Variants in RNF112 observed in about 807,000 individuals in gnomAD.
RNF112 encodes brain finger protein.
A neutral mutation model predicts 64.7 loss-of-function variants in RNF112; 34 were observed. The observed-to-expected ratio is 0.53, with a 90% CI of 0.40 to 0.70. The LOEUF (loss-of-function observed/expected upper bound fraction) is 0.70, where lower values mean the gene tolerates loss of function less well. RNF112 is among the 30% of genes least tolerant of loss of function. The probability of loss-of-function intolerance (pLI) is 0.00; values close to 1 mark genes in which losing one functional copy is unlikely to be tolerated. For missense variants in RNF112, 734 were observed against 850.0 expected, an observed-to-expected ratio of 0.86 and a Z score of 1.70; for synonymous variants, 345 against 344.5, an observed-to-expected ratio of 1.00 and a Z score of -0.02.
rs1246207308 is a variant in RNF112 at position 19,416,712 on chromosome 17, GCCCAGA to G, written c.*541_*546del. On this transcript the variant is annotated 3_prime_UTR_variant, in exon 14 of 14. Coordinates refer to ENST00000461366, the MANE Select transcript of RNF112 (RefSeq NM_007148.5). ...GAGAGATGGGACATGGTAGACTGTG[GCCCAGA>G]CCCCAGAGCAGAGAAACTTGTTCCC... 1 of 155,124 alleles carries G rather than the reference GCCCAGA, an allele frequency of 6.4e-6. No individual in the cohort carries two copies. Among genetic ancestry groups the G allele is most frequent in the Admixed American group, 6.2e-5 (1 of 16,024 alleles). 9.6% of individuals were successfully genotyped at this position (155,124 alleles called of 1,614,324 possible).
In RNF112 at chr17:19,412,425, C is replaced by T. The variant is rs2152298914; in HGVS notation, c.96-73C>T. 6.6e-7 allele frequency: 1 copy of T among 1,507,320 alleles called. No individual in the cohort carries two copies. Among genetic ancestry groups the T allele is most frequent in the Non-Finnish European group, 9.0e-7 (1 of 1,116,980 alleles). 93.4% of individuals were successfully genotyped at this position (1,507,320 alleles called of 1,614,324 possible). A position where few individuals can be genotyped will look rare whatever the true frequency, so the allele number is the denominator to read the frequency against. ...CTCCACTCCCAAGCCATCAGTCTTC[C>T]ACCACAACCCTGGCCGGTACCCCCT... is the stretch of plus-strand genomic sequence containing the variant. On this transcript the variant is annotated intron_variant, in intron 2 of 13. Coordinates refer to ENST00000461366, the MANE Select transcript of RNF112 (RefSeq NM_007148.5). This position sits in a 1 kb window ranked among gnomAD's most constrained non-coding sequence, Gnocchi z 5.1.
At position 19,414,595 on chromosome 17, in the gene RNF112, C is replaced by A; in HGVS notation, c.943C>A (p.Leu315Ile). The change falls in exon 9 of 14, where the codon CTC becomes ATC. Residue 315 changes from leucine to isoleucine, a missense_variant. Physicochemically the swap from Leu to Ile is conservative, Grantham distance 5. Transcript: ENST00000461366. Reference protein sequence around the residue: ...YGMVPIQHLDLLVRDSSHPNK... With the variant: ...YGMVPIQHLDILVRDSSHPNK... Reference sequence around the variant, plus strand: ...ACCCCTTCTCTTTCAGCATCTGGACCTCTTAGTTCGTGACTCATCCCACCC... The same window carrying A: ...ACCCCTTCTCTTTCAGCATCTGGACATCTTAGTTCGTGACTCATCCCACCC... 2 of 1,613,922 alleles carry A rather than the reference C, an allele frequency of 1.2e-6. No individual in the cohort carries two copies. The highest frequency in any genetic ancestry group is 1.7e-6 in the Non-Finnish European group (2 of 1,179,874).
rs1271736010 is a variant in RNF112 at position 19,416,238 on chromosome 17, T to G, written c.*63T>G. On this transcript the variant is annotated 3_prime_UTR_variant, in exon 14 of 14. Transcript: ENST00000461366. Reference sequence around the variant, plus strand: ...GGTGGGGATGAAGAAGAGGGGCAGGTCGGGGGAGGGTGATGCCAGGGATTC... The same window carrying G: ...GGTGGGGATGAAGAAGAGGGGCAGGGCGGGGGAGGGTGATGCCAGGGATTC... 7.1e-7 allele frequency: 1 copy of G among 1,408,700 alleles called. No individual in the cohort carries two copies. The allele number at this position is 1,408,700 out of a possible 1,614,324, so 87.3% of individuals were successfully genotyped here. A position where few individuals can be genotyped will look rare whatever the true frequency, so the allele number is the denominator to read the frequency against.
In RNF112 at chr17:19,413,462, A is replaced by G; in HGVS notation, c.720+51A>G. On this transcript the variant is annotated intron_variant, in intron 5 of 13. Transcript: ENST00000461366. This position sits in a 1 kb window ranked among gnomAD's most constrained non-coding sequence, Gnocchi z 5.9. ...GTCAGGGATGGGAAGGGGAATCAAG[A>G]AGGGCGTCTCTGGGGTGAGGATAGA... 1 of 1,582,440 alleles carries G rather than the reference A, an allele frequency of 6.3e-7. No individual in the cohort carries two copies. Among genetic ancestry groups the G allele is most frequent in the Non-Finnish European group, 8.7e-7 (1 of 1,155,856 alleles).
At position 19,412,353 on chromosome 17, in the gene RNF112, G is replaced by A. The variant is rs1020616427; in HGVS notation, c.96-145G>A. The A allele has an allele frequency of 1.4e-5, 12 of 855,816 alleles. No homozygotes were observed. Among genetic ancestry groups the A allele is most frequent in the Middle Eastern group, 2.4e-4 (1 of 4,254 alleles). 53.0% of individuals were successfully genotyped at this position (855,816 alleles called of 1,614,324 possible). The stretch of plus-strand genomic sequence containing the variant: ...GCTTGGCCTCTCTGGGAGCAGCTCC[G>A]CCTGTCCATGGAGGCACTGATGGAA... On this transcript the variant is annotated intron_variant, in intron 2 of 13. Transcript: ENST00000461366. This position sits in a 1 kb window ranked among gnomAD's most constrained non-coding sequence, Gnocchi z 5.1.
At position 19,415,680 on chromosome 17, in the gene RNF112, C is replaced by A. The variant is rs1398589483; in HGVS notation, c.1426-25C>A. 5.0e-6 allele frequency: 8 copies of A among 1,600,448 alleles called. No homozygotes were observed. Among genetic ancestry groups the A allele is most frequent in the Non-Finnish European group, 6.8e-6 (8 of 1,172,466 alleles). On this transcript the variant is annotated intron_variant, in intron 13 of 13. Coordinates refer to ENST00000461366, the MANE Select transcript of RNF112 (RefSeq NM_007148.5). This position sits in a 1 kb window ranked among gnomAD's most constrained non-coding sequence, Gnocchi z 7.8. Reference sequence around the variant, plus strand: ...ATACCTGGGACTCCTGGTCAGGGCACCTTCTTTTCCCCTCCCTGTCACAGG... The same window carrying A: ...ATACCTGGGACTCCTGGTCAGGGCAACTTCTTTTCCCCTCCCTGTCACAGG...
chr17:19,413,708 C>A lies in RNF112; in HGVS notation c.825+27C>A, dbSNP rs762173368. On this transcript the variant is annotated intron_variant, in intron 6 of 13. Coordinates refer to ENST00000461366, the MANE Select transcript of RNF112 (RefSeq NM_007148.5). This position sits in a 1 kb window ranked among gnomAD's most constrained non-coding sequence, Gnocchi z 5.9. ...TGATGGGGGGCGCTGATGTTGGCAT[C>A]CCCACCCCACACACCCTTCTCCAGC... 6 of 1,506,628 alleles carry A rather than the reference C, an allele frequency of 4.0e-6. No homozygotes were observed. Among genetic ancestry groups the A allele is most frequent in the Non-Finnish European group, 5.4e-6 (6 of 1,102,460 alleles). 93.3% of individuals were successfully genotyped at this position (1,506,628 alleles called of 1,614,324 possible).
At position 19,414,152 on chromosome 17, in the gene RNF112, A is replaced by T; in HGVS notation, c.876+7A>T. 2 of 1,602,550 alleles carry T rather than the reference A, an allele frequency of 1.2e-6. No homozygotes were observed. The highest frequency in any genetic ancestry group is 1.7e-6 in the Non-Finnish European group (2 of 1,170,358). Reference sequence around the variant, plus strand: ...AGACCTGGACTATCTGGAGGTAAAGAGACCTCTGATGTTGGGGCATCCCCC... The same window carrying T: ...AGACCTGGACTATCTGGAGGTAAAGTGACCTCTGATGTTGGGGCATCCCCC... On this transcript the variant is annotated splice_region_variant and intron_variant, in intron 7 of 13. Coordinates refer to ENST00000461366, the MANE Select transcript of RNF112 (RefSeq NM_007148.5).
rs753283199 is a variant in RNF112, at chr17:19,413,235, G to T, written c.589-45G>T. ...TGGGTCTGGTATTCCGGTCTGTGGG[G>T]ACAAGGAACCGACCAACTGATGCTC... On this transcript the variant is annotated intron_variant, in intron 4 of 13. Transcript: ENST00000461366. The surrounding 1 kb of genome is among the most constrained non-coding windows in gnomAD (Gnocchi z 5.9). 6 of 1,596,262 alleles carry T rather than the reference G, an allele frequency of 3.8e-6. No homozygotes were observed. The South Asian group carries it at 6.7e-5, about 18-fold the overall frequency.
intron 10 of RNF112, 74 bp from the exon 11 acceptor site, chr17:19,414,964 C>T: frequency 3.1e-6 from 5 of 1,590,456 alleles, no homozygotes; most frequent in Non-Finnish European, 4.3e-6. Context: ...TTGAAGCACC[C>T]ACCTCTCCTG....
chr17:19,412,000 C>T (rs1045803746), intron 2 of RNF112, among the ~76,000 whole-genome samples: 8 of 152,240 alleles, frequency 5.3e-5, no homozygotes, highest in Non-Finnish European at 1.2e-4. Context: ...CTGAAGTCAG[C>T]ACCTCATGGA....
chr17:19,415,927 G>A lies in RNF112; in HGVS notation c.1648G>A (p.Val550Met). 6.2e-7 allele frequency: 1 copy of A among 1,610,856 alleles called. No individual in the cohort carries two copies. Among genetic ancestry groups the A allele is most frequent in the Non-Finnish European group, 8.5e-7 (1 of 1,178,838 alleles). Residue 550 changes from valine to methionine, a missense_variant, in exon 14 of 14, where the codon GTG becomes ATG. Coordinates refer to ENST00000461366, the MANE Select transcript of RNF112 (RefSeq NM_007148.5). This position sits in a 1 kb window ranked among gnomAD's most constrained non-coding sequence, Gnocchi z 7.8. ...TMRFCGHLAA[V>M]GGAVGAGLMG... ...GCGCTTCTGTGGCCACCTAGCTGCT[G>A]TGGGGGGTGCTGTGGGGGCCGGGCT...
At position 19,413,293 on chromosome 17, in the gene RNF112, G is replaced by T. The variant is rs772278229; in HGVS notation, c.602G>T (p.Gly201Val). ...TCTCCCCTGCAGGAGTCTGGTGAGG[G>T]CGGCCGGCCAAGAGGAGGAGAGGCA... Reference protein sequence around the residue: ...QGLPGLESGEGGRPRGGEASL... With the variant: ...QGLPGLESGEVGRPRGGEASL... The change falls in exon 5 of 14, where the codon GGC becomes GTC. Residue 201 changes from glycine to valine, a missense_variant. Gly to Val is a moderately radical substitution (Grantham distance 109). Coordinates refer to ENST00000461366, the MANE Select transcript of RNF112 (RefSeq NM_007148.5). The surrounding 1 kb of genome is among the most constrained non-coding windows in gnomAD (Gnocchi z 5.9). 10 of 1,611,222 alleles carry T rather than the reference G, an allele frequency of 6.2e-6. No homozygotes were observed. Among genetic ancestry groups the T allele is most frequent in the South Asian group, 1.1e-5 (1 of 90,856 alleles).
Position 19,412,694 on chromosome 17 carries a change from C to T in RNF112, c.292C>T (p.Arg98Trp), listed in dbSNP as rs1167679786. Reference protein sequence around the residue: ...GCEPPCCPECRKICKQKRGLR... With the variant: ...GCEPPCCPECWKICKQKRGLR... ...TGAGCCGCCCTGCTGTCCTGAGTGC[C>T]GGAAGATATGCAAGCAGAAGAGGGG... Residue 98 changes from arginine to tryptophan, a missense_variant, in exon 3 of 14, where the codon CGG becomes TGG. Transcript: ENST00000461366. The surrounding 1 kb of genome is among the most constrained non-coding windows in gnomAD (Gnocchi z 5.1). 3 of 1,613,056 alleles carry T rather than the reference C, an allele frequency of 1.9e-6. No homozygotes were observed. Among genetic ancestry groups the T allele is most frequent in the African/African-American group, 1.3e-5 (1 of 74,798 alleles).
Position 19,415,421 on chromosome 17 carries a change from T to TG in RNF112, c.1350+87dup. On this transcript the variant is annotated intron_variant, in intron 12 of 13. Coordinates refer to ENST00000461366, the MANE Select transcript of RNF112 (RefSeq NM_007148.5). The surrounding 1 kb of genome is among the most constrained non-coding windows in gnomAD (Gnocchi z 7.8). Reference sequence around the variant, plus strand: ...GGGGGCTGTGCCGAGGCCTCCGGGGTGGGGGTCTGTGTGCCCTGGGAGTGG... The same window carrying TG: ...GGGGGCTGTGCCGAGGCCTCCGGGGTGGGGGGTCTGTGTGCCCTGGGAGTGG... 1 of 1,538,120 alleles carries TG rather than the reference T, an allele frequency of 6.5e-7. No homozygotes were observed. Among genetic ancestry groups the TG allele is most frequent in the Non-Finnish European group, 8.8e-7 (1 of 1,140,012 alleles).
Position 19,413,118 on chromosome 17 carries a change from C to T in RNF112, c.562C>T (p.His188Tyr). The T allele has an allele frequency of 6.2e-7, 1 of 1,613,176 alleles. No homozygotes were observed. Among genetic ancestry groups the T allele is most frequent in the Non-Finnish European group, 8.5e-7 (1 of 1,179,772 alleles). ...CTCAGGGAAGTCCTTCCTCCTCAAC[C>T]ATTTGCTTCAGGGCTTGCCGGGCCT... Reference protein sequence around the residue: ...QHSGKSFLLNHLLQGLPGLES... With the variant: ...QHSGKSFLLNYLLQGLPGLES... Residue 188 changes from histidine to tyrosine, a missense_variant, in exon 4 of 14, where the codon CAT (histidine) becomes TAT (tyrosine). His to Tyr is a moderately conservative substitution (Grantham distance 83, BLOSUM62 2). Coordinates refer to ENST00000461366, the MANE Select transcript of RNF112 (RefSeq NM_007148.5). This position sits in a 1 kb window ranked among gnomAD's most constrained non-coding sequence, Gnocchi z 5.9.
Position 19,413,258 on chromosome 17 carries a change from C to T in RNF112, c.589-22C>T. ...GGGACAAGGAACCGACCAACTGATG[C>T]TCTCCCTTCTCTCCCCTGCAGGAGT... On this transcript the variant is annotated intron_variant, in intron 4 of 13. Coordinates refer to ENST00000461366, the MANE Select transcript of RNF112 (RefSeq NM_007148.5). This position sits in a 1 kb window ranked among gnomAD's most constrained non-coding sequence, Gnocchi z 5.9. 1.3e-6 allele frequency: 2 copies of T among 1,597,218 alleles called. No homozygotes were observed. Among genetic ancestry groups the T allele is most frequent in the East Asian group, 2.2e-5 (1 of 44,464 alleles).
Position 19,415,723 on chromosome 17 carries a change from A to G in RNF112, c.1444A>G (p.Ile482Val). 6.2e-7 allele frequency: 1 copy of G among 1,611,350 alleles called. No homozygotes were observed. The highest frequency in any genetic ancestry group is 1.3e-5 in the African/African-American group (1 of 74,984). Residue 482 changes from isoleucine (I) to valine (V), a missense_variant, in exon 14 of 14, where the codon ATA becomes GTA. Transcript: ENST00000461366. This position sits in a 1 kb window ranked among gnomAD's most constrained non-coding sequence, Gnocchi z 7.8. ...VRQQDVATKR[I>V]FSALRVLPDT... ...GTCACAGGACGTAGCCACCAAGCGC[A>G]TATTCTCTGCGCTGCGGGTCCTGCC...
Position 19,414,510 on chromosome 17 carries a change from G to A in RNF112, c.933+5G>A, listed in dbSNP as rs1188458930. 16 of 1,613,846 alleles carry A rather than the reference G, an allele frequency of 9.9e-6. No homozygotes were observed. Among genetic ancestry groups the A allele is most frequent in the Non-Finnish European group, 1.3e-5 (15 of 1,179,860 alleles). On this transcript the variant is annotated splice_donor_5th_base_variant and intron_variant, in intron 8 of 13. Coordinates refer to ENST00000461366, the MANE Select transcript of RNF112 (RefSeq NM_007148.5). Reference sequence around the variant, plus strand: ...TATGGGATGGTGCCAATCCAGGTGAGACACCTATCTCTGGATTCATTGGCC... The same window carrying A: ...TATGGGATGGTGCCAATCCAGGTGAAACACCTATCTCTGGATTCATTGGCC...
Sources: allele counts gnomAD v4.1 joint callset (sites outside exome capture counted in the v4.1 genomes callset), GRCh38; gene constraint gnomAD v4.1.1; non-coding constraint Gnocchi (gnomAD v3.1); transcripts MANE v1.5; gene names NCBI Gene and HGNC (gene_info 2026-07-23, HGNC 2026-07-21).